Variants in SEC62 observed in about 807,000 individuals in gnomAD.
The protein encoded by SEC62 is translocation protein SEC62.
SEC62 carries 10 observed loss-of-function variants against 47.5 expected under a neutral mutation model. The ratio of observed to expected loss-of-function variants is 0.21; its 90% confidence interval spans 0.13 to 0.36. SEC62 has a LOEUF of 0.36. SEC62 is among the 10% of genes least tolerant of loss of function. SEC62 has a pLI of 1.00. For synonymous variants in SEC62, 136 were observed against 150.5 expected (o/e 0.90, Z 0.71); for missense variants, 327 against 464.1 (o/e 0.70, Z 2.71).
chr3:169,978,457 G>A (rs1714894432), intron 3 of SEC62: 1 of 152,218 alleles, frequency 6.6e-6, no homozygotes, highest in Non-Finnish European at 1.5e-5. Context: ...TGGGCACAGT[G>A]GTTCACGCCT....
intron 5 of SEC62, chr3:169,985,556 T>A (rs11917755): frequency 0.017 from 5,208 of 305,490 alleles, 280 homozygotes; most frequent in African/African-American, 0.1. Flanking sequence ...AATTTTTAAG[T>A]GTATGTAAGA....
At chr3:169,966,974 G>A in intron 1 of SEC62, 116 bp downstream of exon 1, 1 of 931,156 alleles carries the variant, frequency 1.1e-6, no homozygotes. Context: ...GGGTGGGGTG[G>A]GGTTCCGCCG....
At chr3:169,978,403 T>C (rs2108282794) in intron 3 of SEC62, 2 of 151,798 alleles carry the variant, frequency 1.3e-5, no homozygotes, top group South Asian at 4.2e-4. Flanking sequence ...GGGGAAAAAA[T>C]AAAAAGGTGA....
chr3:169,990,415 G>T (rs1406523540), intron 7 of SEC62, among the ~76,000 whole-genome samples: 8 of 151,802 alleles, frequency 5.3e-5, no homozygotes, highest in Non-Finnish European at 8.8e-5. Flanking sequence ...GCATAGGAAT[G>T]TTATTATAGT....
chr3:169,986,801 C>G (rs1715119294), intron 6 of SEC62, among the ~76,000 whole-genome samples: 2 of 152,096 alleles, frequency 1.3e-5, no homozygotes, highest in Non-Finnish European at 2.9e-5. Flanking sequence ...AATCATGGCT[C>G]ACTGCAGCCC....
chr3:169,990,949 A>G (rs1300821559), intron 7 of SEC62, among the ~76,000 whole-genome samples: 2 of 152,230 alleles, frequency 1.3e-5, no homozygotes, highest in Non-Finnish European at 2.9e-5. Flanking sequence ...AAGAAAACAA[A>G]AACCAAAACT....
At chr3:169,985,958 C>A in intron 6 of SEC62, 93 bp downstream of exon 6, 2 of 779,938 alleles carry the variant, frequency 2.6e-6, no homozygotes, top group South Asian at 1.9e-5. Context: ...CTAAATTTAA[C>A]ATAAAATAGT....
In SEC62 at chr3:169,998,343, C is replaced by G. The variant is rs2108292743; in HGVS notation, c.*5280C>G. ...TTGTTTTGATAGATTATATCTTACT[C>G]CTAAATAAAAAGTCAAGATTTTTGT... On this transcript the variant is annotated 3_prime_UTR_variant, in exon 8 of 8. Coordinates refer to ENST00000337002, the MANE Select transcript of SEC62 (RefSeq NM_003262.4). The G allele has an allele frequency of 6.6e-6, 1 of 152,212 alleles. No individual in the cohort carries two copies. Among genetic ancestry groups the G allele is most frequent in the South Asian group, 2.1e-4 (1 of 4,826 alleles). The allele number at this position is 152,212 out of a possible 1,614,324, so 9.4% of individuals were successfully genotyped here.
Position 169,983,253 on chromosome 3 carries a change from G to T in SEC62, c.549G>T (p.Glu183Asp). The change falls in exon 5 of 8, where the codon GAG becomes GAT. Residue 183 changes from glutamate (E) to aspartate (D), a missense_variant and splice_region_variant. This residue lies in a region of SEC62 where 99 missense variants were observed against 194.0 expected (regional missense o/e 0.51). Coordinates refer to ENST00000337002, the MANE Select transcript of SEC62 (RefSeq NM_003262.4). ...ATCAGGTTTTTCTGGATGGAAATGA[G>T]GTGAGAGTAAGCCTATAACTAGAAG... Reference protein sequence around the residue: ...HDDQVFLDGNEVYVWIYDPVH... With the variant: ...HDDQVFLDGNDVYVWIYDPVH... 6.2e-7 allele frequency: 1 copy of T among 1,606,802 alleles called. No individual in the cohort carries two copies. The highest frequency in any genetic ancestry group is 8.5e-7 in the Non-Finnish European group (1 of 1,174,822).
At chr3:169,970,261 G>A (rs768369432) in intron 1 of SEC62, among the ~76,000 whole-genome samples, 1 of 152,184 alleles carries the variant, frequency 6.6e-6, no homozygotes, top group Non-Finnish European at 1.5e-5. Context: ...TGTTACTAAT[G>A]ATTAAGGTCC....
In SEC62 at chr3:169,966,889, T is replaced by C. The variant is rs576698722; in HGVS notation, c.36+31T>C. ...AAAGCCGAGCTCTGGGCAGGGGGCT[T>C]CGGCGCGCTGGATAGTGGAAGGGGC... is the stretch of plus-strand genomic sequence containing the variant. On this transcript the variant is annotated intron_variant, in intron 1 of 7. Transcript: ENST00000337002. The C allele has an allele frequency of 9.5e-6, 13 of 1,368,326 alleles. No homozygotes were observed. In the East Asian group the frequency reaches 5.1e-4, roughly 53 times the overall value. 84.8% of individuals were successfully genotyped at this position (1,368,326 alleles called of 1,614,324 possible).
chr3:169,978,171 C>T (rs1038326272), intron 3 of SEC62, among the ~76,000 whole-genome samples: 4 of 151,676 alleles, frequency 2.6e-5, no homozygotes, highest in Non-Finnish European at 2.9e-5. Flanking sequence ...CCCAGCTACT[C>T]GGGAGGCTGA....
intron 1 of SEC62, among the ~76,000 whole-genome samples, chr3:169,971,038 T>C (rs1253329152): frequency 2.0e-5 from 3 of 151,490 alleles, no homozygotes; most frequent in African/African-American, 4.9e-5. Flanking sequence ...GTGCTTGTAA[T>C]CCCAACTATC....
intron 3 of SEC62, among the ~76,000 whole-genome samples, chr3:169,980,743 T>C (rs182832543): frequency 6.7e-4 from 102 of 152,360 alleles, no homozygotes; most frequent in Admixed American, 6.1e-3. Flanking sequence ...TTACTAATAA[T>C]GTTGCTTCGT....
At position 169,988,412 on chromosome 3, in the gene SEC62, G is replaced by A; in HGVS notation, c.730+53G>A. Reference sequence around the variant, plus strand: ...TCAAGAAGGTTGGTATTGAGCAGTTGGACTGTAATTTGGAGCTTCAGTAAA... The same window carrying A: ...TCAAGAAGGTTGGTATTGAGCAGTTAGACTGTAATTTGGAGCTTCAGTAAA... On this transcript the variant is annotated intron_variant, in intron 7 of 7. Coordinates refer to ENST00000337002, the MANE Select transcript of SEC62 (RefSeq NM_003262.4). 6 of 1,582,788 alleles carry A rather than the reference G, an allele frequency of 3.8e-6. No individual in the cohort carries two copies. The South Asian group carries it at 5.7e-5, about 15-fold the overall frequency.
At chr3:169,982,333 T>C (rs529854910) in intron 3 of SEC62, among the ~76,000 whole-genome samples, 9 of 152,208 alleles carry the variant, frequency 5.9e-5, no homozygotes, top group Non-Finnish European at 1.2e-4. Flanking sequence ...GTTTATTTTC[T>C]CCTTTCTTTA....
At chr3:169,970,443 T>C (rs1163955237) in intron 1 of SEC62, among the ~76,000 whole-genome samples, 1 of 152,232 alleles carries the variant, frequency 6.6e-6, no homozygotes, top group Non-Finnish European at 1.5e-5. Flanking sequence ...TCACAAATTC[T>C]GTAAGATTGG....
At chr3:169,980,555 A>G (rs1714947685) in intron 3 of SEC62, among the ~76,000 whole-genome samples, 3 of 152,216 alleles carry the variant, frequency 2.0e-5, no homozygotes, top group African/African-American at 7.2e-5. Flanking sequence ...GAAAATTGAC[A>G]GAAGCAGATG....
intron 3 of SEC62, among the ~76,000 whole-genome samples, chr3:169,981,559 A>G (rs758439914): frequency 8.5e-5 from 13 of 152,212 alleles, no homozygotes; most frequent in Non-Finnish European, 1.8e-4. Context: ...TATTGTGGCA[A>G]TTAGACATTA....
Sources: allele counts gnomAD v4.1 joint callset (sites outside exome capture counted in the v4.1 genomes callset), GRCh38; gene constraint gnomAD v4.1.1; regional missense constraint gnomAD v4.1.1; transcripts MANE v1.5; gene names NCBI Gene and HGNC (gene_info 2026-07-23, HGNC 2026-07-21).